The following WWOX variants were observed in gnomAD, a reference collection of about 807,000 sequenced individuals.
The protein encoded by WWOX is WW domain containing oxidoreductase.
In WWOX, 69 loss-of-function variants were observed where a neutral mutation model predicts 46.2. The ratio of observed to expected loss-of-function variants is 1.49; its 90% confidence interval spans 1.23 to 1.82. WWOX has a LOEUF of 1.82. WWOX is among the 40% of genes most tolerant of loss of function. The pLI is 0.00. For missense variants in WWOX, 919 were observed against 542.6 expected, an observed-to-expected ratio of 1.69 and a Z score of -6.89; for synonymous variants, 359 against 202.6, an observed-to-expected ratio of 1.77 and a Z score of -6.56.
chr16:78,143,753 T>G (rs987915138), intron 4 of WWOX, among the ~76,000 whole-genome samples: 2 of 29,572 alleles, frequency 6.8e-5, no homozygotes, highest in East Asian at 8.5e-4. Context: ...AATTGGTATG[T>G]TTTTTTTTTT....
intron 8 of WWOX, among the ~76,000 whole-genome samples, chr16:78,979,666 A>T (rs781176980): frequency 4.6e-5 from 7 of 152,176 alleles, no homozygotes; most frequent in Non-Finnish European, 1.0e-4. Context: ...GACAATGATC[A>T]GTACCCATCT....
chr16:78,205,702 T>C (rs1006430840), intron 5 of WWOX, among the ~76,000 whole-genome samples: 2 of 152,072 alleles, frequency 1.3e-5, no homozygotes, highest in Admixed American at 6.6e-5. Context: ...TGTTCATTCA[T>C]CTATCCATCC....
chr16:78,136,128 T>G (rs996009567), intron 4 of WWOX, among the ~76,000 whole-genome samples: 7 of 152,204 alleles, frequency 4.6e-5, no homozygotes, highest in African/African-American at 1.7e-4. Flanking sequence ...TTATTGAACT[T>G]TATCAACCTT....
At chr16:78,950,288 G>A (rs1459236546) in intron 8 of WWOX, among the ~76,000 whole-genome samples, 3 of 152,104 alleles carry the variant, frequency 2.0e-5, no homozygotes, top group African/African-American at 4.8e-5. Flanking sequence ...TTGGAGTGGG[G>A]CGGTATTAGT....
intron 8 of WWOX, among the ~76,000 whole-genome samples, chr16:78,844,272 T>G (rs765275451): frequency 5.9e-5 from 9 of 152,210 alleles, no homozygotes; most frequent in Admixed American, 1.3e-4. Flanking sequence ...CATAAAGTTC[T>G]GCTTACTGAC....
At chr16:79,085,935 C>T (rs1282054378) in intron 8 of WWOX, among the ~76,000 whole-genome samples, 1 of 151,878 alleles carries the variant, frequency 6.6e-6, no homozygotes, top group African/African-American at 2.4e-5. Context: ...GCCTGTAGTC[C>T]CAGCTACTCA....
intron 8 of WWOX, among the ~76,000 whole-genome samples, chr16:79,183,235 C>G (rs2050947641): frequency 6.6e-6 from 1 of 152,206 alleles, no homozygotes; most frequent in South Asian, 2.1e-4. Flanking sequence ...GACTCTTTTC[C>G]TTTTCTTGCA....
chr16:78,962,173 G>C (rs1273367511), intron 8 of WWOX, among the ~76,000 whole-genome samples: 1 of 152,034 alleles, frequency 6.6e-6, no homozygotes, highest in Non-Finnish European at 1.5e-5. Flanking sequence ...AGAAGCCTAG[G>C]CTTTAATGAG....
Position 78,745,766 on chromosome 16 carries a change from T to TC in WWOX, c.1056+313022dup, listed in dbSNP as rs559514795. On this transcript the variant is annotated intron_variant, in intron 8 of 8. Coordinates refer to ENST00000566780, the MANE Select transcript of WWOX (RefSeq NM_016373.4). ...TCCTCCTCCCTCTTCCTCCTCTTTTTCCCCCCCCTTCAAATAGTTCCAAGA... is the reference window on the plus strand; with the variant it reads ...TCCTCCTCCCTCTTCCTCCTCTTTTTCCCCCCCCCTTCAAATAGTTCCAAGA... Among the ~76,000 whole-genome samples the TC allele has an allele frequency of 5.2e-3, 775 of 148,468 alleles. 10 individuals are homozygous for TC. Among genetic ancestry groups the TC allele is most frequent in the African/African-American group, 5.7e-3 (228 of 40,280 alleles).
At chr16:78,621,569 C>CTTTA (rs1029745640) in intron 8 of WWOX, among the ~76,000 whole-genome samples, 9 of 123,336 alleles carry the variant, frequency 7.3e-5, no homozygotes, top group Non-Finnish European at 1.5e-4. Context: ...TCACTTGCAC[C>CTTTA]TTTAACCTTG....
At chr16:78,387,640 G>GCT (rs2082088820) in intron 6 of WWOX, among the ~76,000 whole-genome samples, 3 of 152,158 alleles carry the variant, frequency 2.0e-5, no homozygotes, top group Admixed American at 2.0e-4. Flanking sequence ...GAAACACTGA[G>GCT]CTAAGGAAAG....
chr16:78,119,473 AG>A (rs2032982075), intron 4 of WWOX, among the ~76,000 whole-genome samples: 1 of 152,190 alleles, frequency 6.6e-6, no homozygotes, highest in Non-Finnish European at 1.5e-5. Context: ...ATGAGGGATT[AG>A]TTGGATGCCT....
At chr16:78,721,965 C>T (rs2048703153) in intron 8 of WWOX, among the ~76,000 whole-genome samples, 1 of 152,254 alleles carries the variant, frequency 6.6e-6, no homozygotes, top group Non-Finnish European at 1.5e-5. Context: ...GCCTATTAAG[C>T]AGCCATGTAT....
At position 78,446,056 on chromosome 16, in the gene WWOX, C is replaced by A. The variant is rs187563414; in HGVS notation, c.1056+13304C>A. Among the ~76,000 whole-genome samples, 319 of 152,238 alleles carry A rather than the reference C, an allele frequency of 2.1e-3. 2 individuals carry two copies. Among genetic ancestry groups the A allele is most frequent in the African/African-American group, 7.2e-3 (301 of 41,540 alleles). ...TGGGCTTATTTTGCTTCTTTTAGAT[C>A]TGGAAAGACTAAGCGCAAAATAGAA... On this transcript the variant is annotated intron_variant, in intron 8 of 8. Coordinates refer to ENST00000566780, the MANE Select transcript of WWOX (RefSeq NM_016373.4).
chr16:78,762,678 A>G (rs2049823557), intron 8 of WWOX, among the ~76,000 whole-genome samples: 1 of 152,168 alleles, frequency 6.6e-6, no homozygotes, highest in Non-Finnish European at 1.5e-5. Context: ...ATTGGGAGGC[A>G]GGAATCCACT....
intron 5 of WWOX, among the ~76,000 whole-genome samples, chr16:78,201,442 C>T (rs142560565): frequency 1.3e-5 from 2 of 152,066 alleles, no homozygotes; most frequent in Admixed American, 1.3e-4. Flanking sequence ...ATAACTAAGA[C>T]CTGAAATGAT....
At chr16:78,173,455 A>AT (rs35394224) in intron 5 of WWOX, among the ~76,000 whole-genome samples, 23,905 of 135,804 alleles carry the variant, frequency 0.18, 2,250 homozygotes, top group South Asian at 0.26. Context: ...CACCTGGCTA[A>AT]TTTTTTTTTT....
At chr16:78,479,831 G>A (rs2084444676) in intron 8 of WWOX, among the ~76,000 whole-genome samples, 1 of 152,234 alleles carries the variant, frequency 6.6e-6, no homozygotes, top group Non-Finnish European at 1.5e-5. Flanking sequence ...AAGCCAGGCT[G>A]AGGCTGGCAC....
chr16:78,995,637 T>C (rs905121131), intron 8 of WWOX, among the ~76,000 whole-genome samples: 11 of 152,046 alleles, frequency 7.2e-5, no homozygotes, highest in Admixed American at 2.6e-4. Flanking sequence ...CTTGTTCTTA[T>C]GTGGTTGATG....
Sources: gnomAD v4.1 joint callset for allele counts (sites outside exome capture counted in the v4.1 genomes callset) on GRCh38, gnomAD v4.1.1 for gene constraint, MANE v1.5 for transcripts, NCBI Gene and HGNC (gene_info 2026-07-23, HGNC 2026-07-21) for gene names.